Variants in CDCP2 observed in about 807,000 individuals in gnomAD.
The protein encoded by CDCP2 is CUB domain-containing protein 2.
CDCP2 carries 31 observed loss-of-function variants against 31.0 expected under a neutral mutation model. That is an observed-to-expected ratio of 1.00 (90% CI 0.75 to 1.35). The LOEUF is 1.35. Ranked by LOEUF, CDCP2 falls within the 40% of genes most tolerant of loss-of-function variation. The pLI, the probability that CDCP2 is intolerant of heterozygous loss-of-function variation, is 0.00. For synonymous variants in CDCP2, 206 were observed against 207.9 expected (o/e 0.99, Z 0.08); for missense variants, 443 against 482.6 (o/e 0.92, Z 0.77).
intron 3 of CDCP2, chr1:54,140,628 C>G (rs1290098853): frequency 5.0e-6 from 1 of 201,502 alleles, no homozygotes; most frequent in Non-Finnish European, 1.0e-5. Context: ...CGAAGTCATC[C>G]ATGATTCTTA....
chr1:54,133,618 C>T (rs746397547), intron 5 of CDCP2, among the ~76,000 whole-genome samples: 12 of 152,280 alleles, frequency 7.9e-5, no homozygotes, highest in South Asian at 2.1e-4. Context: ...CCCATGTGGC[C>T]GGGTGCGGTG....
chr1:54,144,217 C>A, intron 2 of CDCP2: 1 of 434,460 alleles, frequency 2.3e-6, no homozygotes, highest in South Asian at 3.8e-5. Context: ...CTGCTTTTGC[C>A]TTATAAACTA....
At chr1:54,148,873 A>C (rs977330446) in intron 1 of CDCP2, among the ~76,000 whole-genome samples, 5 of 151,196 alleles carry the variant, frequency 3.3e-5, no homozygotes, top group Admixed American at 2.6e-4. Context: ...TCTGCAAATA[A>C]TAATAATTTT....
intron 1 of CDCP2, among the ~76,000 whole-genome samples, chr1:54,148,065 G>T (rs2100431722): frequency 6.6e-6 from 1 of 151,804 alleles, no homozygotes; most frequent in South Asian, 2.1e-4. Flanking sequence ...AAGCCTTAAT[G>T]AAATAATGGA....
chr1:54,152,942 A>G (rs1359934169), upstream of CDCP2: 4 of 1,613,162 alleles, frequency 2.5e-6, no homozygotes, highest in South Asian at 4.4e-5. Context: ...AGGGGCCCCC[A>G]CAGGTCTGCC....
rs892011531 is a variant in CDCP2 at position 54,140,141 on chromosome 1, G to A, written c.764-35C>T. The A allele has an allele frequency of 2.5e-6, 4 of 1,593,092 alleles. No homozygotes were observed. The African/African-American group carries it at 5.4e-5, about 21-fold the overall frequency. On this transcript the variant is annotated intron_variant, in intron 3 of 5. Coordinates refer to ENST00000530059, the Ensembl canonical transcript of CDCP2. ...GGATGGGGAGGTGGAAGGAGCAACAGTGAGGGGAGAGGAGAAGTCACTCTC... is the reference window on the plus strand; with the variant it reads ...GGATGGGGAGGTGGAAGGAGCAACAATGAGGGGAGAGGAGAAGTCACTCTC...
chr1:54,148,139 T>C (rs988366049), intron 1 of CDCP2, among the ~76,000 whole-genome samples: 4 of 151,740 alleles, frequency 2.6e-5, no homozygotes, highest in Non-Finnish European at 5.9e-5. Context: ...AGGTAAAACA[T>C]GATTTGGTTA....
intron 5 of CDCP2, among the ~76,000 whole-genome samples, chr1:54,133,598 CACTAAAA>C (rs1659202012): frequency 6.6e-6 from 1 of 152,092 alleles, no homozygotes; most frequent in East Asian, 1.9e-4. Flanking sequence ...TTATTGGTAC[CACTAAAA>C]CCCCCATGTG....
chr1:54,140,078 C>T, exon 4 of CDCP2: 1 of 1,613,468 alleles, frequency 6.2e-7, no homozygotes, highest in Non-Finnish European at 8.5e-7. Context: ...AGTTGCCCCG[C>T]ATGGCCATGT....
chr1:54,135,606 C>G (rs1659244580), intron 5 of CDCP2, among the ~76,000 whole-genome samples: 1 of 152,110 alleles, frequency 6.6e-6, no homozygotes. Context: ...TTCTTTGTCT[C>G]CGTCATTCCA....
At chr1:54,152,946 G>A, upstream of CDCP2, 1 of 1,612,478 alleles carries the variant, frequency 6.2e-7, no homozygotes, top group African/African-American at 1.3e-5. Flanking sequence ...GCCCCCACAG[G>A]TCTGCCGAGC....
chr1:54,133,338 C>T (rs1342004345), intron 5 of CDCP2, 44 bp from the exon 6 acceptor site: 1 of 398,824 alleles, frequency 2.5e-6, no homozygotes, highest in Non-Finnish European at 4.4e-6. Context: ...GGAGCTTGGG[C>T]TGAACTTGTT....
intron 2 of CDCP2, 45 bp from the exon 3 acceptor site, chr1:54,141,478 C>A (rs773384008): frequency 2.6e-6 from 4 of 1,518,828 alleles, no homozygotes; most frequent in Middle Eastern, 1.8e-4. Context: ...CTCCTTGTGG[C>A]TCCCAGTTTC....
At chr1:54,136,703 C>T (rs1659263790) in exon 5 of CDCP2, 1 of 399,076 alleles carries the variant, frequency 2.5e-6, no homozygotes, top group Non-Finnish European at 4.4e-6. Flanking sequence ...GGCGGCACAG[C>T]TCCGGCTGCC....
chr1:54,144,422 C>G, intron 2 of CDCP2, 44 bp downstream of exon 2: 1 of 1,495,060 alleles, frequency 6.7e-7, no homozygotes, highest in East Asian at 2.3e-5. Context: ...ACCAGGATTA[C>G]AGGTGTGAGC....
chr1:54,133,753 G>A (rs645980), intron 5 of CDCP2, among the ~76,000 whole-genome samples: 4,486 of 151,888 alleles, frequency 0.03, 86 homozygotes, highest in African/African-American at 0.05. Context: ...AAAATTAGCC[G>A]GGCGTGATGG....
intron 1 of CDCP2, among the ~76,000 whole-genome samples, chr1:54,146,387 G>A (rs1044197916): frequency 4.6e-5 from 7 of 151,502 alleles, no homozygotes; most frequent in Non-Finnish European, 1.0e-4. Flanking sequence ...ACCATTTTGG[G>A]CAGGCTGGTC....
chr1:54,147,797 C>T (rs1387556689), intron 1 of CDCP2, among the ~76,000 whole-genome samples: 1 of 151,552 alleles, frequency 6.6e-6, no homozygotes, highest in African/African-American at 2.4e-5. Flanking sequence ...TCACTTGAGT[C>T]CAGGAGTTTG....
At chr1:54,133,922 C>CAAAAAAAAAA (rs58882302) in intron 5 of CDCP2, among the ~76,000 whole-genome samples, 55 of 148,678 alleles carry the variant, frequency 3.7e-4, no homozygotes, top group South Asian at 4.3e-4. Flanking sequence ...ACAAAAAAAA[C>CAAAAAAAAAA]CCCATGTTAC....
Sources: allele counts gnomAD v4.1 joint callset (sites outside exome capture counted in the v4.1 genomes callset), GRCh38; gene constraint gnomAD v4.1.1; transcripts MANE v1.5; gene names NCBI Gene and HGNC (gene_info 2026-07-23, HGNC 2026-07-21).